MRNIP: variants seen among roughly 807,000 people sequenced by gnomAD.
MRNIP encodes the protein MRN complex-interacting protein.
A neutral mutation model predicts 29.8 loss-of-function variants in MRNIP; 30 were observed. The observed-to-expected ratio is 1.01, with a 90% CI of 0.75 to 1.36. The LOEUF (loss-of-function observed/expected upper bound fraction) is 1.36, where lower values mean the gene tolerates loss of function less well. Among genes scored for constraint, MRNIP ranks in the 40% most tolerant of loss-of-function variants. MRNIP has a pLI of 0.00. For missense variants in MRNIP, 459 were observed against 423.5 expected (o/e 1.08, Z -0.74); for synonymous variants, 201 against 164.1 (o/e 1.23, Z -1.72).
chr5:179,847,963 C>A lies in MRNIP; in HGVS notation c.215+15G>T, dbSNP rs375320571. 5.4e-5 allele frequency: 85 copies of A among 1,578,256 alleles called. No individual in the cohort carries two copies. Among genetic ancestry groups the A allele is most frequent in the Middle Eastern group, 3.4e-4 (2 of 5,958 alleles). ...AACAGGGCAAGACAACCACGCTCTT[C>A]TCAAACAACTGTACCTGAGTGGCAG... On this transcript the variant is annotated intron_variant, in intron 3 of 6. Transcript: ENST00000292586.
chr5:179,843,751 AC>A (rs199802482), intron 4 of MRNIP, among the ~76,000 whole-genome samples: 18 of 151,430 alleles, frequency 1.2e-4, no homozygotes, highest in African/African-American at 4.4e-4. Context: ...GAGAAAAAAA[AC>A]AAAACAAAAC....
At chr5:179,843,059 A>G (rs191454926) in intron 4 of MRNIP, among the ~76,000 whole-genome samples, 10,494 of 119,198 alleles carry the variant, frequency 0.088, 564 homozygotes, top group Non-Finnish European at 0.12. Flanking sequence ...GGAAGGAAGG[A>G]AGGGAGGGAG....
intron 2 of MRNIP, among the ~76,000 whole-genome samples, chr5:179,850,329 A>G (rs1759318064): frequency 6.6e-6 from 1 of 152,202 alleles, no homozygotes; most frequent in Non-Finnish European, 1.5e-5. Flanking sequence ...TGCTGTCGCC[A>G]TCTTGAAATT....
rs571764481 is a variant in MRNIP at position 179,853,586 on chromosome 5, A to G, written c.67-149T>C. 1.9e-4 allele frequency: 111 copies of G among 590,632 alleles called. No individual in the cohort carries two copies. In the African/African-American group the frequency reaches 2.0e-3, roughly 10 times the overall value. The allele number at this position is 590,632 out of a possible 1,614,324, so 36.6% of individuals were successfully genotyped here. ...CAGGAGTTCGAGACCAGCCTGACCA[A>G]TATGGTGAAACCCAGTCTCTACTAA... On this transcript the variant is annotated intron_variant, in intron 1 of 6. Coordinates refer to ENST00000292586, the MANE Select transcript of MRNIP (RefSeq NM_016175.4).
intron 6 of MRNIP, chr5:179,838,181 A>G (rs1758698624): frequency 2.1e-6 from 1 of 465,858 alleles, no homozygotes; most frequent in Admixed American, 3.6e-5. Context: ...ACCGGTGCCT[A>G]CAAAAGAATT....
chr5:179,858,676 C>T (rs923566203), intron 1 of MRNIP, 55 bp downstream of exon 1: 1 of 1,201,962 alleles, frequency 8.3e-7, no homozygotes, highest in Non-Finnish European at 1.2e-6. Flanking sequence ...CCCCGCCACT[C>T]CCCGTCCGCT....
chr5:179,842,814 C>T (rs1487715604), intron 4 of MRNIP, among the ~76,000 whole-genome samples: 1 of 150,908 alleles, frequency 6.6e-6, no homozygotes, highest in Non-Finnish European at 1.5e-5. Flanking sequence ...GGGCGGGTCA[C>T]CTGAGCTCAG....
At chr5:179,843,943 G>C (rs1304474607) in intron 4 of MRNIP, among the ~76,000 whole-genome samples, 1 of 152,144 alleles carries the variant, frequency 6.6e-6, no homozygotes, top group Non-Finnish European at 1.5e-5. Flanking sequence ...GTCCTTTGCA[G>C]GGTATTGTAA....
intron 3 of MRNIP, chr5:179,847,765 C>G (rs1489104071): frequency 4.0e-6 from 2 of 501,070 alleles, no homozygotes; most frequent in Non-Finnish European, 3.6e-6. Flanking sequence ...AGGTGAGAAT[C>G]TCCTCGGGTG....
chr5:179,841,779 C>T (rs2303677), intron 5 of MRNIP, 128 bp downstream of exon 5: 238,318 of 990,722 alleles, frequency 0.24, 33,449 homozygotes, highest in East Asian at 0.5. Flanking sequence ...TGCCCGATTT[C>T]CCACCTGCTG....
chr5:179,857,481 GAAATAA>G (rs1759642743), intron 1 of MRNIP, among the ~76,000 whole-genome samples: 1 of 151,970 alleles, frequency 6.6e-6, no homozygotes, highest in Non-Finnish European at 1.5e-5. Flanking sequence ...ACAAAAAAAG[GAAATAA>G]AAATAAACGG....
chr5:179,838,394 G>A (rs950251601), intron 6 of MRNIP: 8 of 168,732 alleles, frequency 4.7e-5, no homozygotes, highest in South Asian at 2.9e-4. Flanking sequence ...GTTGGGTGTC[G>A]GCCGGGCGCA....
intron 2 of MRNIP, chr5:179,851,219 T>G (rs1477096475): frequency 2.2e-6 from 1 of 455,450 alleles, no homozygotes; most frequent in South Asian, 1.5e-5. Flanking sequence ...CAAGCCATGC[T>G]CACCATGTGG....
At chr5:179,846,437 C>A (rs964272700) in intron 3 of MRNIP, among the ~76,000 whole-genome samples, 6 of 152,008 alleles carry the variant, frequency 3.9e-5, no homozygotes, top group Middle Eastern at 3.2e-3. Flanking sequence ...GCGCCCGCCA[C>A]CACGCCCAGC....
chr5:179,844,587 CT>C (rs201947842), intron 3 of MRNIP, among the ~76,000 whole-genome samples: 39 of 151,414 alleles, frequency 2.6e-4, no homozygotes, highest in Middle Eastern at 3.4e-3. Flanking sequence ...TACGCCTGCC[CT>C]TTTTTTTTCT....
At chr5:179,843,747 AAAAACAAAAC>A (rs376566420) in intron 4 of MRNIP, among the ~76,000 whole-genome samples, 1 of 152,046 alleles carries the variant, frequency 6.6e-6, no homozygotes. Context: ...TTCAGAGAAA[AAAAACAAAAC>A]AAAACAAAAC....
At chr5:179,852,556 A>G (rs1759416631) in intron 2 of MRNIP, among the ~76,000 whole-genome samples, 2 of 152,180 alleles carry the variant, frequency 1.3e-5, no homozygotes, top group South Asian at 4.1e-4. Context: ...ACAGCCTTAG[A>G]TGGACAATCC....
chr5:179,857,173 G>A (rs541399007), intron 1 of MRNIP, among the ~76,000 whole-genome samples: 23 of 152,282 alleles, frequency 1.5e-4, no homozygotes, highest in African/African-American at 1.9e-4. Flanking sequence ...TAGAGGCCGG[G>A]CGCAGTGGCT....
intron 1 of MRNIP, among the ~76,000 whole-genome samples, chr5:179,856,619 C>T (rs955595640): frequency 5.9e-5 from 9 of 152,090 alleles, no homozygotes; most frequent in Admixed American, 5.9e-4. Context: ...TACAGATGCG[C>T]GCCACTACAT....
Sources: gnomAD v4.1 joint callset for allele counts (sites outside exome capture counted in the v4.1 genomes callset) on GRCh38, gnomAD v4.1.1 for gene constraint, MANE v1.5 for transcripts, NCBI Gene and HGNC (gene_info 2026-07-23, HGNC 2026-07-21) for gene names.